The following DOCK2 variants were observed in gnomAD, a reference collection of about 807,000 sequenced individuals.
DOCK2 encodes dedicator of cytokinesis protein 2.
DOCK2 carries 87 observed loss-of-function variants against 248.9 expected under a neutral mutation model. The ratio of observed to expected loss-of-function variants is 0.35; its 90% CI spans 0.29 to 0.42. DOCK2 has a LOEUF of 0.42. Ranked by LOEUF, DOCK2 falls within the 10% of genes least tolerant of loss-of-function variation. DOCK2 has a pLI of 1.00. For missense variants in DOCK2, 1,747 were observed against 2,300.2 expected (o/e 0.76, Z 4.92); for synonymous variants, 805 against 821.6 (o/e 0.98, Z 0.35).
chr5:169,727,657 GATAAAACTATTAAA>G (rs1554094124), intron 22 of DOCK2, among the ~76,000 whole-genome samples: 4 of 152,258 alleles, frequency 2.6e-5, no homozygotes, highest in Non-Finnish European at 5.9e-5. Context: ...ATTGGGATCA[GATAAAACTATTAAA>G]ATTATTTTAT....
intron 33 of DOCK2, among the ~76,000 whole-genome samples, chr5:170,025,794 T>TC (rs1755887214): frequency 4.4e-5 from 2 of 44,960 alleles, no homozygotes; most frequent in African/African-American, 1.6e-4. Context: ...TTCCCTCCCT[T>TC]CCTTCCTTCC....
At chr5:169,769,385 C>T (rs1764963158) in intron 25 of DOCK2, among the ~76,000 whole-genome samples, 1 of 152,200 alleles carries the variant, frequency 6.6e-6, no homozygotes, top group African/African-American at 2.4e-5. Context: ...GAAGGAGCAG[C>T]TGACCCTTCC....
At chr5:169,638,360 C>T (rs1171276800) in intron 1 of DOCK2, among the ~76,000 whole-genome samples, 1 of 151,994 alleles carries the variant, frequency 6.6e-6, no homozygotes, top group African/African-American at 2.4e-5. Flanking sequence ...TAAATGGTCC[C>T]CATCCAGAGA....
At chr5:169,699,089 T>TCAAGTCTTTAAC (rs3841609) in intron 11 of DOCK2, among the ~76,000 whole-genome samples, 1 of 151,866 alleles carries the variant, frequency 6.6e-6, no homozygotes, top group Non-Finnish European at 1.5e-5. Context: ...CAGGAGCAAC[T>TCAAGTCTTTAAC]CTTGCTAAGC....
intron 30 of DOCK2, chr5:169,997,927 A>G (rs1336441671): frequency 6.6e-6 from 3 of 456,354 alleles, no homozygotes; most frequent in Non-Finnish European, 1.3e-5. Context: ...TCCGTGCCTC[A>G]AGTGAGTCAT....
chr5:169,694,186 C>T (rs747073580), intron 9 of DOCK2, among the ~76,000 whole-genome samples: 1 of 152,184 alleles, frequency 6.6e-6, no homozygotes, highest in Non-Finnish European at 1.5e-5. Flanking sequence ...GGCAGCTGTG[C>T]CTTGGTCCTG....
intron 27 of DOCK2, among the ~76,000 whole-genome samples, chr5:169,929,741 CAA>C (rs1211612989): frequency 2.8e-3 from 177 of 62,914 alleles, no homozygotes; most frequent in African/African-American, 8.8e-3. Context: ...GACCCTGTCT[CAA>C]AAAAAAAAAA....
intron 27 of DOCK2, among the ~76,000 whole-genome samples, chr5:169,943,386 C>T (rs367668252): frequency 1.6e-4 from 25 of 152,074 alleles, no homozygotes; most frequent in Admixed American, 5.9e-4. Flanking sequence ...CTGTGGCCCG[C>T]GGGCCATATT....
intron 22 of DOCK2, among the ~76,000 whole-genome samples, chr5:169,728,168 C>G (rs909940854): frequency 1.3e-5 from 2 of 152,176 alleles, no homozygotes; most frequent in African/African-American, 4.8e-5. Context: ...CCTGGCATTG[C>G]AAACCAGCAT....
In DOCK2 at chr5:169,671,132, G is replaced by T. The variant is rs144632263; in HGVS notation, c.279G>T (p.Thr93=). The T allele has an allele frequency of 7.1e-4, 1,149 of 1,614,012 alleles. 2 individuals are homozygous for T. The highest frequency in any genetic ancestry group is 6.5e-3 in the African/African-American group (490 of 75,036). Residue 93 remains threonine, a synonymous_variant, in exon 5 of 52, where the codon ACG becomes ACT. Coordinates refer to ENST00000520908, the MANE Select transcript of DOCK2 (RefSeq NM_004946.3). ...TTCCTCTGGCACAAGAAGTGACAAC[G>T]ACACTTTGGGAATGGGGAAGCATCT... The part of the protein sequence containing the change: ...AEIPLAQEVT[T]TLWEWGSIWK...
At chr5:169,798,165 A>G (rs931396307) in intron 25 of DOCK2, among the ~76,000 whole-genome samples, 2 of 152,184 alleles carry the variant, frequency 1.3e-5, no homozygotes, top group Non-Finnish European at 2.9e-5. Flanking sequence ...GAGCAAGGCA[A>G]ACACCCACTG....
At chr5:170,030,830 T>G (rs1412606192) in intron 34 of DOCK2, among the ~76,000 whole-genome samples, 3 of 152,186 alleles carry the variant, frequency 2.0e-5, no homozygotes, top group African/African-American at 7.2e-5. Context: ...AGGGCCTCAC[T>G]GATACACAGG....
intron 1 of DOCK2, among the ~76,000 whole-genome samples, chr5:169,647,724 G>C (rs1757547619): frequency 6.6e-6 from 1 of 152,064 alleles, no homozygotes; most frequent in South Asian, 2.1e-4. Flanking sequence ...TCTCAGTCCA[G>C]TTCTTCCCCT....
At chr5:169,852,151 G>A (rs1770651118) in intron 27 of DOCK2, among the ~76,000 whole-genome samples, 1 of 152,092 alleles carries the variant, frequency 6.6e-6, no homozygotes, top group Admixed American at 6.5e-5. Context: ...TCACACAGAA[G>A]AATGACTGGT....
At chr5:169,696,069 T>A in intron 10 of DOCK2, 131 bp downstream of exon 10, 1 of 1,227,310 alleles carries the variant, frequency 8.1e-7, no homozygotes, top group Non-Finnish European at 1.1e-6. Flanking sequence ...CAGACAGCCC[T>A]TAATAACTAC....
chr5:169,939,595 A>T (rs1776148635), intron 27 of DOCK2, among the ~76,000 whole-genome samples: 1 of 152,212 alleles, frequency 6.6e-6, no homozygotes, highest in Non-Finnish European at 1.5e-5. Context: ...ACAGTATGTT[A>T]GTTTACAAAT....
intron 27 of DOCK2, chr5:169,882,819 G>T (rs1386788440): frequency 6.4e-7 from 1 of 1,550,924 alleles, no homozygotes; most frequent in Admixed American, 2.0e-5. Context: ...CGGTGGGGTT[G>T]TTTGCCGTCT....
At chr5:169,711,302 A>G (rs1300092465) in intron 15 of DOCK2, among the ~76,000 whole-genome samples, 1 of 152,168 alleles carries the variant, frequency 6.6e-6, no homozygotes, top group Non-Finnish European at 1.5e-5. Context: ...GGCAGCACAG[A>G]GCCAGGCTGA....
intron 2 of DOCK2, among the ~76,000 whole-genome samples, chr5:169,662,081 G>C (rs1758476940): frequency 6.6e-6 from 1 of 152,178 alleles, no homozygotes; most frequent in African/African-American, 2.4e-5. Context: ...CTCACCAACA[G>C]TGTAGAAGAG....
Sources: gnomAD v4.1 joint callset for allele counts (sites outside exome capture counted in the v4.1 genomes callset) on GRCh38, gnomAD v4.1.1 for gene constraint, MANE v1.5 for transcripts, NCBI Gene and HGNC (gene_info 2026-07-23, HGNC 2026-07-21) for gene names.